Variants in TRERF1 observed in about 807,000 individuals in gnomAD.
TRERF1 encodes the protein transcriptional-regulating factor 1.
TRERF1 carries 27 observed loss-of-function variants against 122.9 expected under a neutral mutation model. That is an observed-to-expected ratio of 0.22 (90% CI 0.16 to 0.30). The LOEUF is 0.30. Ranked by LOEUF, TRERF1 falls within the 10% of genes least tolerant of loss-of-function variation. The probability of loss-of-function intolerance (pLI) is 1.00; values close to 1 mark genes in which losing one functional copy is unlikely to be tolerated. For synonymous variants in TRERF1, 636 were observed against 641.7 expected (o/e 0.99, Z 0.13); for missense variants, 1,248 against 1,560.3 (o/e 0.80, Z 3.37).
intron 10 of TRERF1, 40 bp from the exon 11 acceptor site, chr6:42,257,142 A>G (rs777928980): frequency 1.7e-5 from 28 of 1,610,824 alleles, no homozygotes; most frequent in East Asian, 4.5e-5. Context: ...GTGGTCTTCA[A>G]TTTGATGGCT....
intron 3 of TRERF1, among the ~76,000 whole-genome samples, chr6:42,346,311 T>C (rs1020328026): frequency 1.3e-5 from 2 of 152,218 alleles, no homozygotes; most frequent in South Asian, 4.1e-4. Flanking sequence ...GTTAATCGGT[T>C]GCCCACTTAC....
intron 3 of TRERF1, among the ~76,000 whole-genome samples, chr6:42,361,172 T>C (rs1771677858): frequency 6.6e-6 from 1 of 152,186 alleles, no homozygotes; most frequent in Admixed American, 6.5e-5. Flanking sequence ...AGAGCTCTGG[T>C]CCCTTCCATG....
At chr6:42,404,220 A>G (rs1157038539) in intron 2 of TRERF1, among the ~76,000 whole-genome samples, 1 of 152,044 alleles carries the variant, frequency 6.6e-6, no homozygotes, top group Non-Finnish European at 1.5e-5. Context: ...TCAAAAGGTA[A>G]TCTCAGCTCA....
rs70987587 is a variant in TRERF1, at chr6:42,277,905, GGAAGAAGAAGAAGAAGAAGAAGAA to G, written c.-258-8081_-258-8058del. ...AGAAGGAAGAAGGAAGAAGGAAGAA[GGAAGAAGAAGAAGAAGAAGAAGAA>G]GAAGAAGAAGAAGAAGAAGAAGAAG... On this transcript the variant is annotated intron_variant, in intron 4 of 17. Coordinates refer to ENST00000372922, the Ensembl canonical transcript of TRERF1. Among the ~76,000 whole-genome samples, 184 of 85,080 alleles carry G rather than the reference GGAAGAAGAAGAAGAAGAAGAAGAA, an allele frequency of 2.2e-3. 1 individual carries two copies. Among genetic ancestry groups the G allele is most frequent in the East Asian group, 0.015 (42 of 2,864 alleles). The allele number at this position is 85,080 out of a possible 152,430, so 55.8% of individuals were successfully genotyped here.
chr6:42,260,993 G>A (rs1227086642), intron 8 of TRERF1, among the ~76,000 whole-genome samples: 2 of 152,060 alleles, frequency 1.3e-5, no homozygotes, highest in Non-Finnish European at 2.9e-5. Context: ...CAGGCTCCCG[G>A]CTCCAGAGTG....
intron 15 of TRERF1, among the ~76,000 whole-genome samples, chr6:42,239,721 C>A (rs1773186372): frequency 6.6e-6 from 1 of 152,010 alleles, no homozygotes; most frequent in Non-Finnish European, 1.5e-5. Context: ...CACACCCTCC[C>A]CAGGCGCACC....
intron 4 of TRERF1, among the ~76,000 whole-genome samples, chr6:42,292,908 A>G (rs1003134334): frequency 2.0e-5 from 3 of 152,194 alleles, no homozygotes; most frequent in Admixed American, 2.0e-4. Context: ...TTTCTGTTTC[A>G]AGAGGGTACC....
chr6:42,282,739 T>C (rs747113303), intron 4 of TRERF1, among the ~76,000 whole-genome samples: 12 of 152,222 alleles, frequency 7.9e-5, no homozygotes, highest in Admixed American at 2.0e-4. Context: ...TGTAGGTATA[T>C]AGATAGTTGA....
At chr6:42,373,427 G>A (rs879937200) in intron 2 of TRERF1, among the ~76,000 whole-genome samples, 3 of 152,192 alleles carry the variant, frequency 2.0e-5, no homozygotes, top group Admixed American at 6.5e-5. Flanking sequence ...CAGCACTTTG[G>A]GAGGCCAAGG....
At chr6:42,397,439 G>A (rs1171329653) in intron 2 of TRERF1, among the ~76,000 whole-genome samples, 2 of 152,142 alleles carry the variant, frequency 1.3e-5, no homozygotes, top group African/African-American at 4.8e-5. Context: ...TTGAATTACT[G>A]ATTAAGATTC....
At chr6:42,285,431 G>A (rs1783027084) in intron 4 of TRERF1, among the ~76,000 whole-genome samples, 1 of 152,022 alleles carries the variant, frequency 6.6e-6, no homozygotes, top group South Asian at 2.1e-4. Flanking sequence ...TCTGCAAACA[G>A]GGACAATTTG....
At chr6:42,331,815 C>T (rs1044181375) in intron 3 of TRERF1, among the ~76,000 whole-genome samples, 7 of 152,210 alleles carry the variant, frequency 4.6e-5, no homozygotes, top group East Asian at 3.8e-4. Flanking sequence ...CCCAGGCCCA[C>T]GCGGGCCATG....
At chr6:42,353,056 C>T (rs983685691) in intron 3 of TRERF1, among the ~76,000 whole-genome samples, 4 of 152,250 alleles carry the variant, frequency 2.6e-5, no homozygotes, top group Non-Finnish European at 4.4e-5. Flanking sequence ...AAACTCATCA[C>T]TTTGTAGTCC....
chr6:42,362,165 T>C lies in TRERF1; in HGVS notation c.-371+832A>G, dbSNP rs1771885904. On this transcript the variant is annotated intron_variant, in intron 3 of 17. Transcript: ENST00000372922. The stretch of plus-strand genomic sequence containing the variant: ...CAGTAGACGCTCTTCAATTACCCCA[T>C]TTGCACGAGCCACGTGTTTCCGACT... Among the ~76,000 whole-genome samples, 3 of 152,078 alleles carry C rather than the reference T, an allele frequency of 2.0e-5. No homozygotes were observed. The South Asian group carries it at 6.2e-4, about 32-fold the overall frequency.
intron 2 of TRERF1, among the ~76,000 whole-genome samples, chr6:42,388,389 C>T (rs1036023305): frequency 1.3e-5 from 2 of 152,050 alleles, no homozygotes; most frequent in African/African-American, 4.8e-5. Context: ...AAAATACGAG[C>T]TCAGCACACT....
intron 13 of TRERF1, among the ~76,000 whole-genome samples, chr6:42,247,079 G>A (rs1233969003): frequency 2.0e-5 from 3 of 152,106 alleles, no homozygotes; most frequent in African/African-American, 7.2e-5. Flanking sequence ...AGGTAGAGGC[G>A]AGGTGCCAAT....
intron 15 of TRERF1, among the ~76,000 whole-genome samples, chr6:42,242,630 G>A (rs1271219995): frequency 1.3e-5 from 2 of 152,278 alleles, no homozygotes; most frequent in Admixed American, 6.5e-5. Flanking sequence ...AGACTAGTTA[G>A]GTCTTCTTGT....
At chr6:42,345,754 C>T (rs1380182898) in intron 3 of TRERF1, among the ~76,000 whole-genome samples, 2 of 152,220 alleles carry the variant, frequency 1.3e-5, no homozygotes, top group Non-Finnish European at 2.9e-5. Context: ...TAACTGAATT[C>T]CACCCAAGAT....
At chr6:42,355,195 C>A (rs1330735600) in intron 3 of TRERF1, among the ~76,000 whole-genome samples, 1 of 152,154 alleles carries the variant, frequency 6.6e-6, no homozygotes, top group Non-Finnish European at 1.5e-5. Context: ...CGGCAGTGGG[C>A]TGCATGAACC....
Sources: gnomAD v4.1 joint callset for allele counts (sites outside exome capture counted in the v4.1 genomes callset) on GRCh38, gnomAD v4.1.1 for gene constraint, MANE v1.5 for transcripts, NCBI Gene and HGNC (gene_info 2026-07-23, HGNC 2026-07-21) for gene names.